Variants in SNTB2 observed in about 807,000 individuals in gnomAD.
SNTB2 encodes the protein beta-2-syntrophin.
In SNTB2, 34 loss-of-function variants were observed where a neutral mutation model predicts 46.2. The ratio of observed to expected loss-of-function variants is 0.74; its 90% confidence interval spans 0.56 to 0.98. The LOEUF is 0.98. Among genes scored for constraint, SNTB2 ranks in the 50% least tolerant of loss-of-function variants. SNTB2 has a pLI of 0.00. For synonymous variants in SNTB2, 290 were observed against 312.6 expected (o/e 0.93, Z 0.76); for missense variants, 603 against 731.4 (o/e 0.82, Z 2.02).
chr16:69,240,492 G>A (rs1964600775), intron 1 of SNTB2: 1 of 152,252 alleles, frequency 6.6e-6, no homozygotes, highest in Admixed American at 6.5e-5. Flanking sequence ...AGCTTGGGAT[G>A]AGGTTGGAGA....
chr16:69,226,816 C>T lies in SNTB2; in HGVS notation c.581-18786C>T, dbSNP rs924239926. On this transcript the variant is annotated intron_variant, in intron 1 of 6. Coordinates refer to ENST00000336278, the MANE Select transcript of SNTB2 (RefSeq NM_006750.4). ...AAAATGCTGGGATTACAGGTGTGAG[C>T]CATGGTGCATGGCCCTAAGGTTATG... Among the ~76,000 whole-genome samples, 5 of 152,302 alleles carry T rather than the reference C, an allele frequency of 3.3e-5. No individual in the cohort carries two copies. The South Asian group carries it at 8.3e-4, about 25-fold the overall frequency.
chr16:69,235,960 C>A, intron 1 of SNTB2: 1 of 828,682 alleles, frequency 1.2e-6, no homozygotes, highest in Non-Finnish European at 1.6e-6. Flanking sequence ...CCATTACTTT[C>A]GCATTAGGAT....
rs1406555774 is a variant in SNTB2, at chr16:69,292,387, ATATTATATAT to A, written c.1346-7202_1346-7193del. 2.0e-3 allele frequency among the ~76,000 whole-genome samples: 27 copies of A among 13,782 alleles called. 4 individuals are homozygous for A. The highest frequency in any genetic ancestry group is 8.8e-3 in the African/African-American group (24 of 2,726). The allele number at this position is 13,782 out of a possible 152,430, so 9.0% of individuals were successfully genotyped here. A position where few individuals can be genotyped will look rare whatever the true frequency, so the allele number is the denominator to read the frequency against. On this transcript the variant is annotated intron_variant, in intron 5 of 6. Coordinates refer to ENST00000336278, the MANE Select transcript of SNTB2 (RefSeq NM_006750.4). ...ATATATATATATATATATTATATATATATTATATATATATATATATTATATATATATTATA... is the reference window on the plus strand; with the variant it reads ...ATATATATATATATATATTATATATAATATATATATTATATATATATTATA...
intron 5 of SNTB2, among the ~76,000 whole-genome samples, chr16:69,289,556 T>G (rs75082999): frequency 0.05 from 7,591 of 152,266 alleles, 264 homozygotes; most frequent in Non-Finnish European, 0.071. Context: ...ATCCCTTGAC[T>G]TGATCATTAC....
intron 6 of SNTB2, among the ~76,000 whole-genome samples, 181 bp from the exon 7 acceptor site, chr16:69,300,651 A>C (rs977501443): frequency 6.6e-6 from 1 of 152,250 alleles, no homozygotes; most frequent in African/African-American, 2.4e-5. Flanking sequence ...ACCTCACACC[A>C]GTATTATGAC....
At chr16:69,240,951 C>G (rs1964606670) in intron 1 of SNTB2, 1 of 152,276 alleles carries the variant, frequency 6.6e-6, no homozygotes, top group Non-Finnish European at 1.5e-5. Flanking sequence ...ACCTCTGCCT[C>G]CCGGGTTCAA....
intron 5 of SNTB2, among the ~76,000 whole-genome samples, chr16:69,288,765 A>G (rs1276736639): frequency 6.6e-6 from 1 of 152,236 alleles, no homozygotes; most frequent in Non-Finnish European, 1.5e-5. Context: ...ACTATTCACA[A>G]TAACAAAGAT....
intron 1 of SNTB2, among the ~76,000 whole-genome samples, chr16:69,224,994 T>TA (rs752957604): frequency 1.1e-3 from 171 of 152,358 alleles, no homozygotes; most frequent in Non-Finnish European, 2.1e-3. Context: ...TACAGTGGAA[T>TA]TCATTAGTAT....
intron 1 of SNTB2, among the ~76,000 whole-genome samples, chr16:69,232,076 A>G (rs1188812795): frequency 6.6e-6 from 1 of 152,196 alleles, no homozygotes; most frequent in Non-Finnish European, 1.5e-5. Flanking sequence ...ATATAAAAGC[A>G]TGAAGGCTAA....
At chr16:69,232,717 G>A (rs1285303863) in intron 1 of SNTB2, among the ~76,000 whole-genome samples, 2 of 145,680 alleles carry the variant, frequency 1.4e-5, no homozygotes, top group South Asian at 2.2e-4. Context: ...TCACCATGTT[G>A]GCCAGGATGG....
intron 1 of SNTB2, among the ~76,000 whole-genome samples, chr16:69,207,656 A>G (rs1191022202): frequency 2.0e-5 from 3 of 152,184 alleles, no homozygotes; most frequent in African/African-American, 7.2e-5. Context: ...ATGAATTTTC[A>G]CAGGCTGACA....
chr16:69,188,050 T>C (rs1964012054), intron 1 of SNTB2, among the ~76,000 whole-genome samples: 1 of 151,568 alleles, frequency 6.6e-6, no homozygotes, highest in Non-Finnish European at 1.5e-5. Context: ...AGCGAACGGC[T>C]CGAGTGGGTC....
At chr16:69,288,028 T>C (rs1292676213) in intron 5 of SNTB2, among the ~76,000 whole-genome samples, 1 of 145,774 alleles carries the variant, frequency 6.9e-6, no homozygotes, top group Non-Finnish European at 1.5e-5. Context: ...AAAAAAAGAG[T>C]AAATGAGGTT....
chr16:69,217,528 C>T (rs980049704), intron 1 of SNTB2, among the ~76,000 whole-genome samples: 2 of 152,112 alleles, frequency 1.3e-5, no homozygotes, highest in Admixed American at 6.5e-5. Flanking sequence ...ACTGGTGAGA[C>T]TTTTGTGTTA....
chr16:69,209,571 A>T (rs981842247), intron 1 of SNTB2, among the ~76,000 whole-genome samples: 1 of 152,238 alleles, frequency 6.6e-6, no homozygotes, highest in African/African-American at 2.4e-5. Context: ...CGTATTAGTC[A>T]GTGTTGCAGA....
intron 2 of SNTB2, among the ~76,000 whole-genome samples, chr16:69,258,270 T>A (rs1444219128): frequency 6.6e-6 from 1 of 152,194 alleles, no homozygotes; most frequent in East Asian, 1.9e-4. Flanking sequence ...AAGATATATA[T>A]GTTCACAGCA....
chr16:69,288,015 A>G (rs1253057908), intron 5 of SNTB2, among the ~76,000 whole-genome samples: 2 of 142,650 alleles, frequency 1.4e-5, no homozygotes, highest in Non-Finnish European at 3.0e-5. Context: ...ATCTCTATTG[A>G]AAAAAAAAAG....
At chr16:69,202,789 T>C (rs1964176448) in intron 1 of SNTB2, among the ~76,000 whole-genome samples, 1 of 152,064 alleles carries the variant, frequency 6.6e-6, no homozygotes, top group Non-Finnish European at 1.5e-5. Flanking sequence ...TTGGCCAGGC[T>C]GGTCTCGACC....
intron 3 of SNTB2, 134 bp downstream of exon 3, chr16:69,260,394 G>A (rs749195742): frequency 1.2e-3 from 991 of 820,190 alleles, no homozygotes; most frequent in Middle Eastern, 3.3e-3. Context: ...TTGTTTTTCA[G>A]TGTTTTGTTT....
Sources: gnomAD v4.1 joint callset for allele counts (sites outside exome capture counted in the v4.1 genomes callset) on GRCh38, gnomAD v4.1.1 for gene constraint, MANE v1.5 for transcripts, NCBI Gene and HGNC (gene_info 2026-07-23, HGNC 2026-07-21) for gene names.